BPTF: variants seen among roughly 807,000 people sequenced by gnomAD.
BPTF encodes nucleosome-remodeling factor subunit BPTF.
BPTF carries 18 observed loss-of-function variants against 292.5 expected under a neutral mutation model. The observed-to-expected ratio is 0.06, with a 90% confidence interval of 0.04 to 0.09. BPTF has a LOEUF of 0.09. Among genes scored for constraint, BPTF ranks in the 10% least tolerant of loss-of-function variants. The pLI is 1.00. For synonymous variants in BPTF, 1,225 were observed against 1,251.9 expected (o/e 0.98, Z 0.45); for missense variants, 2,726 against 3,498.7 (o/e 0.78, Z 5.57).
At chr17:67,892,112 G>A in intron 5 of BPTF, 78 bp downstream of exon 5, 1 of 1,139,846 alleles carries the variant, frequency 8.8e-7, no homozygotes, top group Non-Finnish European at 1.2e-6. Context: ...AATAGGGGCT[G>A]GAAATTTGTA....
intron 7 of BPTF, among the ~76,000 whole-genome samples, chr17:67,895,602 A>G (rs2061389182): frequency 6.6e-6 from 1 of 151,764 alleles, no homozygotes; most frequent in Admixed American, 6.6e-5. Context: ...AGTTGGGACT[A>G]CAGACGCATT....
At chr17:67,855,891 C>T (rs1325326303) in intron 2 of BPTF, among the ~76,000 whole-genome samples, 1 of 152,322 alleles carries the variant, frequency 6.6e-6, no homozygotes, top group African/African-American at 2.4e-5. Flanking sequence ...CACACCGATT[C>T]TTGATTCTTT....
At chr17:67,915,966 A>G (rs910955369) in intron 11 of BPTF, among the ~76,000 whole-genome samples, 8 of 152,144 alleles carry the variant, frequency 5.3e-5, no homozygotes, top group Non-Finnish European at 8.8e-5. Context: ...CTTTAAAGTC[A>G]TTGTTTGACC....
At chr17:67,923,154 C>T (rs987429597) in intron 14 of BPTF, among the ~76,000 whole-genome samples, 164 bp downstream of exon 14, 1 of 151,084 alleles carries the variant, frequency 6.6e-6, no homozygotes, top group East Asian at 1.9e-4. Context: ...CTCCCAGGCT[C>T]GAGTGATCCT....
intron 1 of BPTF, among the ~76,000 whole-genome samples, chr17:67,838,254 T>A (rs1239638154): frequency 6.6e-6 from 1 of 152,200 alleles, no homozygotes; most frequent in Non-Finnish European, 1.5e-5. Flanking sequence ...ATTCACCCCA[T>A]TTTTGAGCTC....
chr17:67,827,882 A>T (rs762366753), intron 1 of BPTF, among the ~76,000 whole-genome samples: 1 of 151,472 alleles, frequency 6.6e-6, no homozygotes, highest in South Asian at 2.1e-4. Flanking sequence ...TTTATGTCTT[A>T]TATGTAGAAA....
chr17:67,921,226 A>AG (rs2063411364), intron 13 of BPTF, among the ~76,000 whole-genome samples: 2 of 150,114 alleles, frequency 1.3e-5, no homozygotes, highest in Admixed American at 1.3e-4. Flanking sequence ...AAAAAAAAAA[A>AG]AAAAAAAAAG....
chr17:67,826,438 A>T, intron 1 of BPTF, 101 bp downstream of exon 1: 22 of 1,148,068 alleles, frequency 1.9e-5, no homozygotes, highest in Non-Finnish European at 2.5e-5. Context: ...TCTCCCCCCA[A>T]CCCCGCCTCC....
intron 19 of BPTF, among the ~76,000 whole-genome samples, chr17:67,940,891 A>G (rs2065308185): frequency 6.6e-6 from 1 of 152,176 alleles, no homozygotes; most frequent in South Asian, 2.1e-4. Flanking sequence ...TTAAACACCA[A>G]AATTTTATTA....
At chr17:67,962,250 A>G (rs2067583585) in intron 24 of BPTF, among the ~76,000 whole-genome samples, 1 of 152,218 alleles carries the variant, frequency 6.6e-6, no homozygotes, top group Non-Finnish European at 1.5e-5. Flanking sequence ...CCATTCCTCT[A>G]GGTGAATCTG....
intron 4 of BPTF, among the ~76,000 whole-genome samples, chr17:67,890,627 G>T (rs2146234701): frequency 6.6e-6 from 1 of 152,296 alleles, no homozygotes; most frequent in East Asian, 1.9e-4. Flanking sequence ...TTGATTTGCA[G>T]CCCTGGCAGA....
At chr17:67,931,481 A>T (rs2064383436) in intron 17 of BPTF, among the ~76,000 whole-genome samples, 1 of 151,914 alleles carries the variant, frequency 6.6e-6, no homozygotes, top group South Asian at 2.1e-4. Flanking sequence ...TCTTTAAAAT[A>T]AATAAATAAA....
In BPTF at chr17:67,902,004, C is replaced by T. The variant is rs868389970; in HGVS notation, c.2544-1785C>T. On this transcript the variant is annotated intron_variant, in intron 7 of 27. Coordinates refer to ENST00000306378, the MANE Select transcript of BPTF (RefSeq NM_182641.4). ...GTGGAGTTGAAGTTGAGTTCATTCTCTTGGTTGGACTTCGTTGGCCAAGAA... is the reference window on the plus strand; with the variant it reads ...GTGGAGTTGAAGTTGAGTTCATTCTTTTGGTTGGACTTCGTTGGCCAAGAA... Among the ~76,000 whole-genome samples the T allele has an allele frequency of 5.9e-5, 9 of 152,316 alleles. No homozygotes were observed. The Middle Eastern group carries it at 0.024, about 403-fold the overall frequency.
chr17:67,945,376 G>A, intron 20 of BPTF, 33 bp from the exon 21 acceptor site: 1 of 1,581,240 alleles, frequency 6.3e-7, no homozygotes, highest in Non-Finnish European at 8.6e-7. Flanking sequence ...ATGTTCCAGA[G>A]TAATAGAAAT....
intron 1 of BPTF, among the ~76,000 whole-genome samples, chr17:67,848,032 T>TAC (rs1276576907): frequency 1.3e-5 from 2 of 152,184 alleles, no homozygotes; most frequent in Non-Finnish European, 2.9e-5. Context: ...CCCTTCTCTA[T>TAC]ACCAATACCG....
intron 18 of BPTF, among the ~76,000 whole-genome samples, chr17:67,936,891 A>C (rs576776080): frequency 2.0e-5 from 3 of 152,166 alleles, no homozygotes; most frequent in African/African-American, 7.2e-5. Context: ...TAATTTCCCA[A>C]GCTATTAATC....
intron 4 of BPTF, among the ~76,000 whole-genome samples, chr17:67,890,304 A>C (rs1305227360): frequency 6.6e-6 from 1 of 152,144 alleles, no homozygotes; most frequent in Non-Finnish European, 1.5e-5. Flanking sequence ...GAGGTTATCG[A>C]GGCTACTTCT....
At chr17:67,960,741 T>G (rs781940325) in intron 24 of BPTF, among the ~76,000 whole-genome samples, 1 of 152,234 alleles carries the variant, frequency 6.6e-6, no homozygotes, top group Non-Finnish European at 1.5e-5. Flanking sequence ...TAGGAATGCT[T>G]AATGCCTACC....
intron 2 of BPTF, among the ~76,000 whole-genome samples, chr17:67,860,457 T>A (rs62084238): frequency 0.2 from 31,019 of 152,168 alleles, 3,975 homozygotes; most frequent in East Asian, 0.66. Context: ...AAATATGTTA[T>A]TTGTATAGAT....
Sources: allele counts gnomAD v4.1 joint callset (sites outside exome capture counted in the v4.1 genomes callset), GRCh38; gene constraint gnomAD v4.1.1; transcripts MANE v1.5; gene names NCBI Gene and HGNC (gene_info 2026-07-23, HGNC 2026-07-21).